Variants in FBXL7 observed in about 807,000 individuals in gnomAD.
The protein encoded by FBXL7 is F-box/LRR-repeat protein 7.
A neutral mutation model predicts 38.3 loss-of-function variants in FBXL7; 12 were observed. The observed-to-expected ratio is 0.31, with a 90% CI of 0.20 to 0.51. FBXL7 has a LOEUF of 0.51. Among genes scored for constraint, FBXL7 ranks in the 20% least tolerant of loss-of-function variants. FBXL7 has a pLI of 0.98. For missense variants in FBXL7, 567 were observed against 676.4 expected, an observed-to-expected ratio of 0.84 and a Z score of 1.79; for synonymous variants, 297 against 300.9, an observed-to-expected ratio of 0.99 and a Z score of 0.13.
intron 2 of FBXL7, among the ~76,000 whole-genome samples, chr5:15,871,755 A>T (rs147176945): frequency 4.4e-4 from 67 of 152,312 alleles, no homozygotes; most frequent in Middle Eastern, 3.4e-3. Context: ...AAAGAATGAA[A>T]AGGAAGGAAA....
intron 1 of FBXL7, among the ~76,000 whole-genome samples, chr5:15,585,461 A>G (rs1459459539): frequency 2.0e-5 from 3 of 152,254 alleles, no homozygotes; most frequent in Non-Finnish European, 2.9e-5. Flanking sequence ...CAGAGCAAAG[A>G]GAATGAACCG....
At chr5:15,805,448 A>C (rs1187828044) in intron 2 of FBXL7, among the ~76,000 whole-genome samples, 1 of 152,196 alleles carries the variant, frequency 6.6e-6, no homozygotes, top group Non-Finnish European at 1.5e-5. Context: ...TTAAAATATC[A>C]TATTGAAACC....
intron 1 of FBXL7, among the ~76,000 whole-genome samples, chr5:15,545,484 A>G (rs1187199867): frequency 6.6e-6 from 1 of 152,202 alleles, no homozygotes; most frequent in Non-Finnish European, 1.5e-5. Context: ...TTGCTAAATA[A>G]TCATATAGAT....
chr5:15,893,700 G>T (rs2126390774), intron 2 of FBXL7, among the ~76,000 whole-genome samples: 1 of 152,158 alleles, frequency 6.6e-6, no homozygotes. Flanking sequence ...TTAGTCACCT[G>T]GTTGAAACGG....
rs1579370627 is a variant in FBXL7 at position 15,677,594 on chromosome 5, T to C, written c.127+61522T>C. Among the ~76,000 whole-genome samples, 5 of 152,176 alleles carry C rather than the reference T, an allele frequency of 3.3e-5. 1 individual carries two copies. Among genetic ancestry groups the C allele is most frequent in the Admixed American group, 3.3e-4 (5 of 15,266 alleles). ...TTCTAGACAGGAGAGAAACTGAACA[T>C]GTCAACAGAAGTTGTAAAAGGTGTG... On this transcript the variant is annotated intron_variant, in intron 2 of 3. Transcript: ENST00000504595.
intron 2 of FBXL7, among the ~76,000 whole-genome samples, chr5:15,800,807 G>T (rs899596836): frequency 6.6e-6 from 1 of 152,122 alleles, no homozygotes; most frequent in Admixed American, 6.6e-5. Context: ...TAGTTACCTC[G>T]GAAGTTCCTG....
chr5:15,845,991 A>G (rs1002277576), intron 2 of FBXL7, among the ~76,000 whole-genome samples: 2 of 152,320 alleles, frequency 1.3e-5, no homozygotes, highest in African/African-American at 4.8e-5. Flanking sequence ...AAATAAAAAT[A>G]CATAAATGAA....
At chr5:15,687,714 C>T (rs1037262195) in intron 2 of FBXL7, among the ~76,000 whole-genome samples, 1 of 152,192 alleles carries the variant, frequency 6.6e-6, no homozygotes, top group South Asian at 2.1e-4. Context: ...GCTTCTGTTC[C>T]ACTTGACATT....
At chr5:15,752,082 A>G (rs760848047) in intron 2 of FBXL7, among the ~76,000 whole-genome samples, 2 of 152,194 alleles carry the variant, frequency 1.3e-5, no homozygotes, top group African/African-American at 2.4e-5. Context: ...TTTAATTTCT[A>G]GTGCACTGAA....
intron 1 of FBXL7, among the ~76,000 whole-genome samples, chr5:15,544,397 G>A (rs941913561): frequency 2.0e-5 from 3 of 152,146 alleles, no homozygotes; most frequent in African/African-American, 2.4e-5. Flanking sequence ...CTGGCACAGC[G>A]TTATGTGATG....
intron 2 of FBXL7, among the ~76,000 whole-genome samples, chr5:15,700,080 G>A (rs371808554): frequency 1.3e-5 from 2 of 152,148 alleles, no homozygotes; most frequent in African/African-American, 2.4e-5. Flanking sequence ...AAAATTAAAG[G>A]TGTTGTCGAT....
chr5:15,607,052 G>T (rs972390793), intron 1 of FBXL7: 1 of 152,138 alleles, frequency 6.6e-6, no homozygotes, highest in Non-Finnish European at 1.5e-5. Context: ...AAGAAGATAA[G>T]AAATTATTTC....
intron 1 of FBXL7, among the ~76,000 whole-genome samples, chr5:15,515,567 T>C (rs1237346828): frequency 6.6e-6 from 1 of 152,198 alleles, no homozygotes; most frequent in East Asian, 1.9e-4. Context: ...TGAAGAGTGA[T>C]CTCTGAAGCT....
intron 2 of FBXL7, among the ~76,000 whole-genome samples, chr5:15,632,944 A>G (rs758591860): frequency 1.8e-4 from 28 of 152,232 alleles, no homozygotes; most frequent in Non-Finnish European, 2.2e-4. Flanking sequence ...AAACCTGAAC[A>G]TCACACAATA....
chr5:15,547,240 A>G (rs1193226496), intron 1 of FBXL7, among the ~76,000 whole-genome samples: 1 of 152,174 alleles, frequency 6.6e-6, no homozygotes, highest in Non-Finnish European at 1.5e-5. Flanking sequence ...TATGTTTGCA[A>G]TCTTGGGGAT....
intron 2 of FBXL7, among the ~76,000 whole-genome samples, chr5:15,818,189 C>T (rs200019495): frequency 6.6e-6 from 1 of 152,132 alleles, no homozygotes; most frequent in East Asian, 1.9e-4. Flanking sequence ...TGAGAAAACA[C>T]TTTTCTTTAC....
chr5:15,918,502 A>G (rs752483210), intron 2 of FBXL7, among the ~76,000 whole-genome samples: 9 of 152,354 alleles, frequency 5.9e-5, no homozygotes, highest in Non-Finnish European at 1.2e-4. Flanking sequence ...GGATTTTAGA[A>G]CAATGTGGCT....
chr5:15,577,597 TG>T (rs1739011143), intron 1 of FBXL7, among the ~76,000 whole-genome samples: 3 of 1,864 alleles, frequency 1.6e-3, no homozygotes, highest in Non-Finnish European at 3.5e-3. Flanking sequence ...ATGCATTTTG[TG>T]TGTGTGTGTG....
Position 15,906,383 on chromosome 5 carries a change from T to A in FBXL7, c.128-21507T>A, listed in dbSNP as rs1456313147. On this transcript the variant is annotated intron_variant, in intron 2 of 3. Coordinates refer to ENST00000504595, the MANE Select transcript of FBXL7 (RefSeq NM_012304.5). ...GTTGAGATATGGGTGCTTTGCAGAG[T>A]TTATGATAGGTCCCCATTCTATAGA... Among the ~76,000 whole-genome samples, 5 of 151,492 alleles carry A rather than the reference T, an allele frequency of 3.3e-5. No homozygotes were observed. The South Asian group carries it at 1.0e-3, about 32-fold the overall frequency.
Sources: allele counts gnomAD v4.1 joint callset (sites outside exome capture counted in the v4.1 genomes callset), GRCh38; gene constraint gnomAD v4.1.1; transcripts MANE v1.5; gene names NCBI Gene and HGNC (gene_info 2026-07-23, HGNC 2026-07-21).